The following CDK14 variants were observed in gnomAD, a reference collection of about 807,000 sequenced individuals.
CDK14 encodes the protein cyclin dependent kinase 14.
A neutral mutation model predicts 60.7 loss-of-function variants in CDK14; 34 were observed. That is an observed-to-expected ratio of 0.56 (90% CI 0.43 to 0.75). CDK14 has a LOEUF of 0.75. Among genes scored for constraint, CDK14 ranks in the 30% least tolerant of loss-of-function variants. CDK14 has a pLI of 0.00. For missense variants in CDK14, 482 were observed against 564.1 expected (o/e 0.85, Z 1.47); for synonymous variants, 197 against 203.7 (o/e 0.97, Z 0.28).
chr7:90,669,495 T>C lies in CDK14; in HGVS notation c.124-57072T>C, dbSNP rs541476754. On this transcript the variant is annotated intron_variant, in intron 2 of 14. Coordinates refer to ENST00000380050, the MANE Select transcript of CDK14 (RefSeq NM_001287135.2). Reference sequence around the variant, plus strand: ...CAAAAAGGGTCATGAGAGAGATACCTATAATTAGTGAGAAAGAAAACTGCT... The same window carrying C: ...CAAAAAGGGTCATGAGAGAGATACCCATAATTAGTGAGAAAGAAAACTGCT... 9.2e-5 allele frequency among the ~76,000 whole-genome samples: 14 copies of C among 152,352 alleles called. No individual in the cohort carries two copies. In the South Asian group the frequency reaches 1.4e-3, roughly 16 times the overall value.
chr7:91,037,979 T>C (rs1013516353), intron 10 of CDK14, among the ~76,000 whole-genome samples: 3 of 152,212 alleles, frequency 2.0e-5, no homozygotes, highest in African/African-American at 4.8e-5. Context: ...ACAGCAATAC[T>C]GGGGTCCTGC....
chr7:90,684,191 G>T (rs1801383240), intron 2 of CDK14, among the ~76,000 whole-genome samples: 1 of 152,126 alleles, frequency 6.6e-6, no homozygotes, highest in Non-Finnish European at 1.5e-5. Context: ...AATAAAAAGA[G>T]TTTAGAGTTA....
At chr7:91,127,597 A>G (rs1799991934) in intron 14 of CDK14, among the ~76,000 whole-genome samples, 1 of 152,164 alleles carries the variant, frequency 6.6e-6, no homozygotes, top group Non-Finnish European at 1.5e-5. Flanking sequence ...TGTCTAATCC[A>G]TGTGAAAAAA....
intron 2 of CDK14, among the ~76,000 whole-genome samples, chr7:90,698,379 G>A (rs1305797808): frequency 6.6e-6 from 1 of 152,110 alleles, no homozygotes; most frequent in Non-Finnish European, 1.5e-5. Flanking sequence ...TCCACAAAGA[G>A]GGAAAATACT....
At chr7:91,041,351 A>G (rs1403951671) in intron 10 of CDK14, among the ~76,000 whole-genome samples, 1 of 151,974 alleles carries the variant, frequency 6.6e-6, no homozygotes, top group African/African-American at 2.4e-5. Flanking sequence ...CTCCCTCTGA[A>G]ATTCCTCTCC....
At chr7:90,756,203 T>A (rs1475264307) in intron 4 of CDK14, among the ~76,000 whole-genome samples, 1 of 152,238 alleles carries the variant, frequency 6.6e-6, no homozygotes, top group Non-Finnish European at 1.5e-5. Context: ...CTCTGACTTG[T>A]TTTAATTATG....
intron 4 of CDK14, among the ~76,000 whole-genome samples, chr7:90,784,235 A>G (rs561383722): frequency 6.6e-6 from 1 of 152,300 alleles, no homozygotes; most frequent in South Asian, 2.1e-4. Flanking sequence ...TCATGGAGGT[A>G]GAGTAGAATG....
intron 2 of CDK14, chr7:90,710,194 G>A (rs1802009181): frequency 1.0e-6 from 1 of 985,322 alleles, no homozygotes; most frequent in African/African-American, 1.7e-5. Flanking sequence ...CGAGGCTACT[G>A]CTTGTAGTTT....
intron 4 of CDK14, among the ~76,000 whole-genome samples, chr7:90,750,164 AC>A (rs1803769667): frequency 3.6e-5 from 2 of 55,156 alleles, no homozygotes; most frequent in African/African-American, 9.7e-5. Flanking sequence ...ACACACACAC[AC>A]ACACACACAC....
At chr7:90,809,178 G>GCACCA (rs1249784485) in intron 5 of CDK14, among the ~76,000 whole-genome samples, 1 of 152,062 alleles carries the variant, frequency 6.6e-6, no homozygotes, top group Admixed American at 6.6e-5. Flanking sequence ...ATTCTTTTCA[G>GCACCA]CACCACACCA....
intron 4 of CDK14, among the ~76,000 whole-genome samples, chr7:90,748,840 C>T (rs893647001): frequency 3.3e-5 from 5 of 152,194 alleles, no homozygotes; most frequent in East Asian, 1.9e-4. Context: ...CCTCTGGCCT[C>T]GGCCACCCAA....
chr7:90,672,887 T>G (rs1280532206), intron 2 of CDK14, among the ~76,000 whole-genome samples: 4 of 152,144 alleles, frequency 2.6e-5, no homozygotes, highest in Non-Finnish European at 1.5e-5. Context: ...CTATTATGAC[T>G]AATGTAGCTA....
chr7:90,962,701 C>T (rs1219971658), intron 9 of CDK14, among the ~76,000 whole-genome samples: 3 of 152,104 alleles, frequency 2.0e-5, no homozygotes, highest in African/African-American at 7.2e-5. Context: ...CATTTTAAAT[C>T]AATGTTTGCA....
At chr7:90,635,726 G>A (rs530720937) in intron 2 of CDK14, among the ~76,000 whole-genome samples, 3 of 152,210 alleles carry the variant, frequency 2.0e-5, no homozygotes, top group African/African-American at 7.2e-5. Context: ...ACCTTGGGCA[G>A]TATGGCCGTT....
chr7:90,647,531 A>G (rs1318763096), intron 2 of CDK14, among the ~76,000 whole-genome samples: 2 of 151,218 alleles, frequency 1.3e-5, no homozygotes, highest in South Asian at 2.1e-4. Context: ...TCCTCCTGTA[A>G]CTCAAAAGCA....
At chr7:90,705,259 A>G (rs764817687) in intron 2 of CDK14, among the ~76,000 whole-genome samples, 1 of 151,818 alleles carries the variant, frequency 6.6e-6, no homozygotes, top group Non-Finnish European at 1.5e-5. Context: ...TTCTTCCCTC[A>G]TATTTAAAAT....
chr7:90,923,201 C>T (rs888762633), intron 8 of CDK14, among the ~76,000 whole-genome samples: 2 of 151,456 alleles, frequency 1.3e-5, no homozygotes, highest in African/African-American at 2.4e-5. Flanking sequence ...GCTCCGCCTC[C>T]CGGGTTCACG....
chr7:90,711,360 T>C (rs899005339), intron 2 of CDK14, among the ~76,000 whole-genome samples: 1 of 151,196 alleles, frequency 6.6e-6, no homozygotes, highest in African/African-American at 2.4e-5. Flanking sequence ...TTTACCTCTC[T>C]TTTTTTTTAA....
intron 14 of CDK14, among the ~76,000 whole-genome samples, chr7:91,153,115 A>G (rs946037427): frequency 6.6e-6 from 1 of 152,182 alleles, no homozygotes; most frequent in African/African-American, 2.4e-5. Flanking sequence ...GCAGGGGTCA[A>G]AGATTCTCCT....
Sources: allele counts gnomAD v4.1 joint callset (sites outside exome capture counted in the v4.1 genomes callset), GRCh38; gene constraint gnomAD v4.1.1; transcripts MANE v1.5; gene names NCBI Gene and HGNC (gene_info 2026-07-23, HGNC 2026-07-21).